The following NRG3 variants were observed in gnomAD, a reference collection of about 807,000 sequenced individuals.
NRG3 encodes the protein neuregulin 3.
NRG3 carries 31 observed loss-of-function variants against 66.9 expected under a neutral mutation model. The observed-to-expected ratio is 0.46, with a 90% CI of 0.35 to 0.63. The LOEUF is 0.63. Among genes scored for constraint, NRG3 ranks in the 20% least tolerant of loss-of-function variants. The probability of loss-of-function intolerance (pLI) is 0.00; values close to 1 mark genes in which losing one functional copy is unlikely to be tolerated. For synonymous variants in NRG3, 393 were observed against 359.4 expected (o/e 1.09, Z -1.06); for missense variants, 910 against 878.9 (o/e 1.04, Z -0.45).
At chr10:82,874,453 AT>A (rs1277321829) in intron 4 of NRG3, among the ~76,000 whole-genome samples, 1 of 149,442 alleles carries the variant, frequency 6.7e-6, no homozygotes, top group Non-Finnish European at 1.5e-5. Context: ...AAAAAAAAGC[AT>A]TTTCATTCAT....
At chr10:81,969,965 A>AT (rs2059869044) in intron 1 of NRG3, among the ~76,000 whole-genome samples, 2 of 151,838 alleles carry the variant, frequency 1.3e-5, no homozygotes, top group Non-Finnish European at 2.9e-5. Context: ...CTAGAAGGAG[A>AT]TTTTTTAGAG....
intron 1 of NRG3, among the ~76,000 whole-genome samples, chr10:82,153,181 C>T (rs1198464099): frequency 6.6e-6 from 1 of 151,880 alleles, no homozygotes; most frequent in Admixed American, 6.6e-5. Flanking sequence ...AACTTTTTAC[C>T]TTTTGGTCAA....
intron 2 of NRG3, among the ~76,000 whole-genome samples, chr10:82,718,725 A>T (rs1187126733): frequency 6.6e-6 from 1 of 152,196 alleles, no homozygotes; most frequent in African/African-American, 2.4e-5. Context: ...GATAAACATG[A>T]CTTCTGCCGT....
intron 2 of NRG3, among the ~76,000 whole-genome samples, chr10:82,493,499 A>G (rs1011417923): frequency 3.9e-5 from 6 of 152,144 alleles, no homozygotes; most frequent in African/African-American, 1.4e-4. Flanking sequence ...CATGGTGTAT[A>G]TGTACCACAT....
At chr10:81,878,837 A>G (rs1018227591) in intron 1 of NRG3, among the ~76,000 whole-genome samples, 1 of 152,164 alleles carries the variant, frequency 6.6e-6, no homozygotes, top group Non-Finnish European at 1.5e-5. Flanking sequence ...AGGCTTATGG[A>G]ATGAATGTCT....
At position 82,309,623 on chromosome 10, in the gene NRG3, C is replaced by A. The variant is rs562870952; in HGVS notation, c.824-49116C>A. Among the ~76,000 whole-genome samples, 4 of 152,220 alleles carry A rather than the reference C, an allele frequency of 2.6e-5. No homozygotes were observed. In the East Asian group the frequency reaches 7.8e-4, roughly 30 times the overall value. ...GCAGGGAAAAGAGGGTAGACAGTAG[C>A]CTGACTTCCAGGGAAATCATCTGTA... On this transcript the variant is annotated intron_variant, in intron 1 of 8. Transcript: ENST00000372141.
chr10:82,675,147 G>T (rs1021460343), intron 2 of NRG3, among the ~76,000 whole-genome samples: 26 of 152,040 alleles, frequency 1.7e-4, no homozygotes, highest in Middle Eastern at 6.8e-3. Flanking sequence ...TGTAGAGATG[G>T]GGTTTCTCTA....
At chr10:82,962,075 AT>A (rs1850702956) in intron 6 of NRG3, among the ~76,000 whole-genome samples, 1 of 152,220 alleles carries the variant, frequency 6.6e-6, no homozygotes, top group Non-Finnish European at 1.5e-5. Context: ...ATCTAACAAG[AT>A]GCAAAACACC....
chr10:82,201,618 CT>C (rs200065613), intron 1 of NRG3, among the ~76,000 whole-genome samples: 6 of 150,798 alleles, frequency 4.0e-5, no homozygotes, highest in African/African-American at 1.2e-4. Flanking sequence ...AAAAAGTTGT[CT>C]TTTTTTTTAG....
chr10:82,155,745 G>C (rs1390007525), intron 1 of NRG3, among the ~76,000 whole-genome samples: 1 of 151,588 alleles, frequency 6.6e-6, no homozygotes, highest in Non-Finnish European at 1.5e-5. Context: ...AATATTGACT[G>C]GTGACCATGT....
At chr10:82,473,840 T>C (rs1389724514) in intron 2 of NRG3, among the ~76,000 whole-genome samples, 1 of 152,118 alleles carries the variant, frequency 6.6e-6, no homozygotes, top group African/African-American at 2.4e-5. Context: ...GAAGCAGTGG[T>C]GATGCCTCAT....
chr10:82,941,724 C>G (rs905496994), intron 4 of NRG3, among the ~76,000 whole-genome samples: 1 of 152,098 alleles, frequency 6.6e-6, no homozygotes, highest in Non-Finnish European at 1.5e-5. Context: ...GGAGTGAAGA[C>G]TCATTTCATA....
intron 1 of NRG3, among the ~76,000 whole-genome samples, chr10:82,287,709 AG>A (rs1273160124): frequency 1.3e-5 from 2 of 152,184 alleles, no homozygotes; most frequent in Non-Finnish European, 2.9e-5. Flanking sequence ...TTCTGGGTTC[AG>A]GCTGGCACAG....
chr10:82,202,292 G>A (rs1335944184), intron 1 of NRG3, among the ~76,000 whole-genome samples: 3 of 152,118 alleles, frequency 2.0e-5, no homozygotes, highest in African/African-American at 7.2e-5. Context: ...TACATGCATT[G>A]GAGATCAAGT....
intron 1 of NRG3, among the ~76,000 whole-genome samples, chr10:81,952,317 T>G (rs1849443892): frequency 1.3e-5 from 2 of 152,130 alleles, no homozygotes; most frequent in Non-Finnish European, 2.9e-5. Flanking sequence ...GTTCTTCCTT[T>G]TCCTTTCCTC....
At chr10:82,794,468 GC>G (rs1164375051) in intron 3 of NRG3, among the ~76,000 whole-genome samples, 1 of 152,106 alleles carries the variant, frequency 6.6e-6, no homozygotes, top group Non-Finnish European at 1.5e-5. Flanking sequence ...TGCTTATTCA[GC>G]CGAGCTGTGC....
At chr10:82,130,010 T>G (rs566428671) in intron 1 of NRG3, among the ~76,000 whole-genome samples, 40 of 152,156 alleles carry the variant, frequency 2.6e-4, no homozygotes, top group African/African-American at 9.6e-4. Flanking sequence ...TCACTACCCT[T>G]CCAAGCCTCT....
At chr10:82,369,324 G>A (rs1235300452) in intron 2 of NRG3, among the ~76,000 whole-genome samples, 1 of 138,076 alleles carries the variant, frequency 7.2e-6, no homozygotes, top group Admixed American at 6.8e-5. Context: ...TTAGAGATAG[G>A]TTCTTGCTCT....
At chr10:82,432,811 C>A (rs971908201) in intron 2 of NRG3, among the ~76,000 whole-genome samples, 1 of 152,088 alleles carries the variant, frequency 6.6e-6, no homozygotes, top group Admixed American at 6.6e-5. Flanking sequence ...CTTTTTATGG[C>A]AGTATAGTGT....
Sources: allele counts gnomAD v4.1 joint callset (sites outside exome capture counted in the v4.1 genomes callset), GRCh38; gene constraint gnomAD v4.1.1; transcripts MANE v1.5; gene names NCBI Gene and HGNC (gene_info 2026-07-23, HGNC 2026-07-21).